The following DDAH1 variants were observed in gnomAD, a reference collection of about 807,000 sequenced individuals.
DDAH1 encodes dimethylarginine dimethylaminohydrolase 1.
In DDAH1, 19 loss-of-function variants were observed where a neutral mutation model predicts 28.8. The ratio of observed to expected loss-of-function variants is 0.66; its 90% CI spans 0.46 to 0.97. The LOEUF is 0.97. Ranked by LOEUF, DDAH1 falls within the 50% of genes least tolerant of loss-of-function variation. DDAH1 has a pLI of 0.00. For missense variants in DDAH1, 326 were observed against 375.9 expected (o/e 0.87, Z 1.10); for synonymous variants, 153 against 154.4 (o/e 0.99, Z 0.07).
chr1:85,412,078 C>T (rs1652676182), intron 1 of DDAH1, among the ~76,000 whole-genome samples: 1 of 152,140 alleles, frequency 6.6e-6, no homozygotes, highest in Non-Finnish European at 1.5e-5. Context: ...GTACCAAATT[C>T]CAGACATAGT....
At chr1:85,550,521 T>G (rs917958704) in intron 1 of DDAH1, among the ~76,000 whole-genome samples, 4 of 152,238 alleles carry the variant, frequency 2.6e-5, no homozygotes, top group African/African-American at 9.6e-5. Context: ...TTATTTGGTG[T>G]TGTGATGAAT....
chr1:85,475,634 T>A (rs1020396648), intron 2 of DDAH1, among the ~76,000 whole-genome samples: 2 of 152,166 alleles, frequency 1.3e-5, no homozygotes, highest in African/African-American at 4.8e-5. Context: ...GTAAACACTG[T>A]CAGATTATTT....
At chr1:85,422,285 G>A (rs539304976) in intron 1 of DDAH1, among the ~76,000 whole-genome samples, 11 of 152,046 alleles carry the variant, frequency 7.2e-5, no homozygotes, top group East Asian at 3.9e-4. Context: ...AGAGTTCTTC[G>A]TATATTTTGG....
chr1:85,433,480 T>A (rs1407878722), intron 1 of DDAH1, among the ~76,000 whole-genome samples: 2 of 152,190 alleles, frequency 1.3e-5, no homozygotes, highest in African/African-American at 4.8e-5. Flanking sequence ...GCACACAGTC[T>A]GGAAACATCC....
chr1:85,449,947 A>G (rs1320368554), intron 1 of DDAH1, among the ~76,000 whole-genome samples: 3 of 152,160 alleles, frequency 2.0e-5, no homozygotes, highest in African/African-American at 7.2e-5. Context: ...AGAGAGAGGG[A>G]ATATTCCTAA....
chr1:85,417,321 AG>A (rs141621594), intron 1 of DDAH1, among the ~76,000 whole-genome samples: 13,094 of 152,060 alleles, frequency 0.086, 613 homozygotes, highest in Middle Eastern at 0.13. Flanking sequence ...AACAGCGGGG[AG>A]GGAAGTCAGG....
chr1:85,562,425 G>A (rs1438079486), intron 1 of DDAH1, among the ~76,000 whole-genome samples: 1 of 152,156 alleles, frequency 6.6e-6, no homozygotes, highest in Non-Finnish European at 1.5e-5. Flanking sequence ...TATGGGTTGA[G>A]TTGTGTCCCC....
intron 1 of DDAH1, among the ~76,000 whole-genome samples, chr1:85,443,382 C>A (rs958426580): frequency 2.6e-5 from 4 of 152,084 alleles, no homozygotes; most frequent in African/African-American, 4.8e-5. Context: ...TTCCATTGGT[C>A]TATATCTCTG....
intron 4 of DDAH1, among the ~76,000 whole-genome samples, chr1:85,346,355 C>T (rs1648839015): frequency 6.6e-6 from 1 of 152,208 alleles, no homozygotes; most frequent in African/African-American, 2.4e-5. Context: ...AAACTCACAC[C>T]TATCCTGAGA....
chr1:85,486,877 G>A (rs1399281486), intron 2 of DDAH1, among the ~76,000 whole-genome samples: 1 of 152,184 alleles, frequency 6.6e-6, no homozygotes, highest in Non-Finnish European at 1.5e-5. Flanking sequence ...TGGGTAGAGA[G>A]ATAGGCTGAA....
At chr1:85,364,182 T>C (rs1417072671) in intron 1 of DDAH1, among the ~76,000 whole-genome samples, 1 of 152,194 alleles carries the variant, frequency 6.6e-6, no homozygotes, top group East Asian at 1.9e-4. Context: ...TTCACTTCAC[T>C]GTATGATTAA....
intron 1 of DDAH1, among the ~76,000 whole-genome samples, chr1:85,434,161 T>C (rs1462561326): frequency 4.0e-5 from 6 of 150,326 alleles, no homozygotes; most frequent in Non-Finnish European, 1.5e-5. Flanking sequence ...CTCATTGTTT[T>C]ATTATTACTT....
Position 85,321,512 on chromosome 1 carries a change from T to C in DDAH1, c.798A>G (p.Glu266=). 6.2e-7 allele frequency: 1 copy of C among 1,614,224 alleles called. No homozygotes were observed. The highest frequency in any genetic ancestry group is 8.5e-7 in the Non-Finnish European group (1 of 1,180,026). The change falls in exon 6 of 6, where the codon GAA becomes GAG. Residue 266 remains glutamate, a synonymous_variant. Transcript: ENST00000284031. ...MLIPVSMSEL[E]KVDGLLTCCS... is the part of the protein sequence containing the mutation. Reference sequence around the variant, plus strand: ...AGCAGGTGAGCAGCCCATCCACCTTTTCCAGTTCAGACATGCTCACGGGGA... The same window carrying C: ...AGCAGGTGAGCAGCCCATCCACCTTCTCCAGTTCAGACATGCTCACGGGGA...
At position 85,553,596 on chromosome 1, in the gene DDAH1, C is replaced by T. The variant is rs144852203; in HGVS notation, c.-123+24388G>A. Among the ~76,000 whole-genome samples the T allele has an allele frequency of 2.4e-3, 372 of 152,334 alleles. 3 individuals carry two copies. Among genetic ancestry groups the T allele is most frequent in the Admixed American group, 3.6e-3 (55 of 15,302 alleles). ...TAACCATAGACAGCAGGCAGACAGA[C>T]ACAGGCCTGCAGATGCTCACTGCAC... is the stretch of plus-strand genomic sequence containing the variant. On this transcript the variant is annotated intron_variant, in intron 1 of 6. Coordinates refer to the DDAH1 transcript ENST00000426972.
intron 1 of DDAH1, among the ~76,000 whole-genome samples, chr1:85,426,656 C>T (rs940315831): frequency 2.6e-5 from 4 of 151,880 alleles, no homozygotes. Context: ...GCCTGTAATC[C>T]CAACAGTTTG....
intron 1 of DDAH1, among the ~76,000 whole-genome samples, chr1:85,536,610 G>A (rs1335583207): frequency 6.6e-6 from 1 of 151,988 alleles, no homozygotes; most frequent in Non-Finnish European, 1.5e-5. Context: ...CACACACAAT[G>A]AGATACTACT....
At chr1:85,506,053 A>G (rs1481956999) in intron 1 of DDAH1, among the ~76,000 whole-genome samples, 1 of 152,234 alleles carries the variant, frequency 6.6e-6, no homozygotes, top group African/African-American at 2.4e-5. Flanking sequence ...ATGAGGATTC[A>G]GAATCCAGTG....
chr1:85,453,918 G>A (rs181807730), intron 1 of DDAH1, among the ~76,000 whole-genome samples: 1 of 152,264 alleles, frequency 6.6e-6, no homozygotes, highest in African/African-American at 2.4e-5. Flanking sequence ...AGCACATTCT[G>A]TATTTGAACA....
At chr1:85,353,344 T>C (rs1418622584) in intron 2 of DDAH1, among the ~76,000 whole-genome samples, 2 of 152,146 alleles carry the variant, frequency 1.3e-5, no homozygotes, top group Admixed American at 6.5e-5. Flanking sequence ...AGTATTATGG[T>C]GAAGTATAAG....
Sources: gnomAD v4.1 joint callset for allele counts (sites outside exome capture counted in the v4.1 genomes callset) on GRCh38, gnomAD v4.1.1 for gene constraint, MANE v1.5 for transcripts, NCBI Gene and HGNC (gene_info 2026-07-23, HGNC 2026-07-21) for gene names.